Variants in STAMBPL1 observed in about 807,000 individuals in gnomAD.
STAMBPL1 encodes the protein STAM binding protein like 1.
In STAMBPL1, 44 loss-of-function variants were observed where a neutral mutation model predicts 52.9. The ratio of observed to expected loss-of-function variants is 0.83; its 90% CI spans 0.65 to 1.07. The LOEUF (loss-of-function observed/expected upper bound fraction) is 1.07, where lower values mean the gene tolerates loss of function less well. Ranked by LOEUF, STAMBPL1 falls within the 50% of genes least tolerant of loss-of-function variation. The probability of loss-of-function intolerance (pLI) is 0.00; values close to 1 mark genes in which losing one functional copy is unlikely to be tolerated. For missense variants in STAMBPL1, 511 were observed against 520.8 expected (o/e 0.98, Z 0.18); for synonymous variants, 164 against 177.3 (o/e 0.92, Z 0.60).
chr10:88,908,442 A>T (rs1845132148), intron 3 of STAMBPL1, among the ~76,000 whole-genome samples: 1 of 152,192 alleles, frequency 6.6e-6, no homozygotes, highest in African/African-American at 2.4e-5. Context: ...CCTGAGAAAG[A>T]TCAAAGTGAC....
At chr10:88,903,935 C>G (rs572305338) in intron 2 of STAMBPL1, among the ~76,000 whole-genome samples, 8 of 152,184 alleles carry the variant, frequency 5.3e-5, no homozygotes, top group Non-Finnish European at 1.2e-4. Flanking sequence ...TTTCAGATCT[C>G]TGAGGTTCTA....
chr10:88,888,631 G>A (rs1448096487), intron 1 of STAMBPL1, among the ~76,000 whole-genome samples: 1 of 152,152 alleles, frequency 6.6e-6, no homozygotes, highest in Non-Finnish European at 1.5e-5. Flanking sequence ...CAGGATTTAG[G>A]AAGTCCTTGA....
intron 8 of STAMBPL1, among the ~76,000 whole-genome samples, chr10:88,919,168 G>C (rs1346369248): frequency 1.3e-5 from 2 of 152,102 alleles, no homozygotes; most frequent in Non-Finnish European, 2.9e-5. Context: ...AGACATTTTG[G>C]TTTAACTAGT....
intron 4 of STAMBPL1, among the ~76,000 whole-genome samples, chr10:88,909,754 C>T (rs760443075): frequency 1.3e-5 from 2 of 152,134 alleles, no homozygotes; most frequent in Non-Finnish European, 2.9e-5. Context: ...GCACCTGCCA[C>T]CATGCCCAGC....
At chr10:88,909,320 A>G (rs1845157416) in intron 4 of STAMBPL1, among the ~76,000 whole-genome samples, 1 of 152,206 alleles carries the variant, frequency 6.6e-6, no homozygotes. Flanking sequence ...TTTATCACCA[A>G]TAATTGCTAT....
intron 3 of STAMBPL1, among the ~76,000 whole-genome samples, chr10:88,907,617 A>G (rs1198380401): frequency 6.6e-6 from 1 of 152,212 alleles, no homozygotes; most frequent in Non-Finnish European, 1.5e-5. Context: ...TATTAGTTGT[A>G]TGATAATTTG....
At chr10:88,903,998 G>C (rs1845011665) in intron 2 of STAMBPL1, among the ~76,000 whole-genome samples, 2 of 152,202 alleles carry the variant, frequency 1.3e-5, no homozygotes, top group Admixed American at 6.5e-5. Flanking sequence ...AAGAACTCCA[G>C]ATATCTAATT....
At chr10:88,904,432 C>A (rs1319107381) in intron 2 of STAMBPL1, among the ~76,000 whole-genome samples, 1 of 152,182 alleles carries the variant, frequency 6.6e-6, no homozygotes, top group Non-Finnish European at 1.5e-5. Flanking sequence ...ACATGCTGGT[C>A]TAAAGCAGGG....
intron 1 of STAMBPL1, among the ~76,000 whole-genome samples, chr10:88,881,344 G>T (rs566756600): frequency 6.6e-6 from 1 of 151,924 alleles, no homozygotes; most frequent in East Asian, 1.9e-4. Context: ...TTTATGTAAG[G>T]AATAAGTAAT....
At chr10:88,913,046 G>A in intron 5 of STAMBPL1, 55 bp from the exon 6 acceptor site, 1 of 1,437,762 alleles carries the variant, frequency 7.0e-7, no homozygotes, top group Non-Finnish European at 9.4e-7. Context: ...TCTAATTCCA[G>A]TTCAATGTTT....
intron 1 of STAMBPL1, among the ~76,000 whole-genome samples, chr10:88,891,963 G>A (rs1844694986): frequency 6.6e-6 from 1 of 152,012 alleles, no homozygotes; most frequent in African/African-American, 2.4e-5. Flanking sequence ...GTATCCTGGT[G>A]GAAATGGATG....
chr10:88,901,487 GT>G, intron 1 of STAMBPL1, 168 bp from the exon 2 acceptor site: 1 of 399,380 alleles, frequency 2.5e-6, no homozygotes, highest in Non-Finnish European at 4.5e-6. Flanking sequence ...ACCACTTGCA[GT>G]TTTGTATTTT....
chr10:88,895,739 C>T (rs1844795153), intron 1 of STAMBPL1, among the ~76,000 whole-genome samples: 1 of 152,158 alleles, frequency 6.6e-6, no homozygotes. Flanking sequence ...TAGAAACTGG[C>T]CCCTCCTAAA....
intron 5 of STAMBPL1, chr10:88,912,887 A>G: frequency 1.9e-6 from 1 of 521,856 alleles, no homozygotes; most frequent in South Asian, 2.7e-5. Context: ...TGTCTCTGGT[A>G]AAATATCAGT....
intron 10 of STAMBPL1, 130 bp downstream of exon 10, chr10:88,922,566 A>G (rs1589383191): frequency 1.4e-6 from 1 of 734,526 alleles, no homozygotes; most frequent in Non-Finnish European, 2.2e-6. Flanking sequence ...GTTTTATCTC[A>G]GAAAATTAAT....
chr10:88,891,061 T>A (rs1844669203), intron 1 of STAMBPL1, among the ~76,000 whole-genome samples: 1 of 152,198 alleles, frequency 6.6e-6, no homozygotes. Flanking sequence ...AATTCCGAGT[T>A]ATAATTGAGG....
At chr10:88,912,846 A>G (rs1368340470) in intron 5 of STAMBPL1, 3 of 409,380 alleles carry the variant, frequency 7.3e-6, no homozygotes, top group African/African-American at 6.1e-5. Flanking sequence ...TAAAAGCATT[A>G]GGGAATGAAG....
rs577351105 is a variant in STAMBPL1 at position 88,914,778 on chromosome 10, T to C, written c.903+120T>C. 12 of 367,574 alleles carry C rather than the reference T, an allele frequency of 3.3e-5. 1 individual carries two copies. The highest frequency in any genetic ancestry group is 4.7e-5 in the Non-Finnish European group (11 of 233,448). The allele number at this position is 367,574 out of a possible 1,614,324, so 22.8% of individuals were successfully genotyped here. A position where few individuals can be genotyped will look rare whatever the true frequency, so the allele number is the denominator to read the frequency against. On this transcript the variant is annotated intron_variant, in intron 7 of 10. Transcript: ENST00000371926. ...ACCATGCTAAGAGTTATCAATATTA[T>C]GAAATTAACGTTACACAGATTAACT...
chr10:88,881,738 G>A (rs1410466440), intron 1 of STAMBPL1, among the ~76,000 whole-genome samples: 2 of 152,182 alleles, frequency 1.3e-5, no homozygotes, highest in Admixed American at 6.5e-5. Flanking sequence ...TTAAGCCACC[G>A]TGTTTTGTTT....
Sources: gnomAD v4.1 joint callset for allele counts (sites outside exome capture counted in the v4.1 genomes callset) on GRCh38, gnomAD v4.1.1 for gene constraint, MANE v1.5 for transcripts, NCBI Gene and HGNC (gene_info 2026-07-23, HGNC 2026-07-21) for gene names.